Variants in ZNF737 observed in about 807,000 individuals in gnomAD.
ZNF737 encodes zinc finger protein 737.
In ZNF737, 13 loss-of-function variants were observed where a neutral mutation model predicts 11.7. The observed-to-expected ratio is 1.11, with a 90% CI of 0.73 to 1.77. The LOEUF (loss-of-function observed/expected upper bound fraction) is 1.77. Among genes scored for constraint, ZNF737 ranks in the 40% most tolerant of loss-of-function variants. ZNF737 has a pLI of 0.00. For synonymous variants in ZNF737, 217 were observed against 216.2 expected (o/e 1.00, Z -0.03); for missense variants, 636 against 638.0 (o/e 1.00, Z 0.03).
In ZNF737 at chr19:20,541,944, T is replaced by C. The variant is rs1441993733; in HGVS notation, c.*2648A>G. Reference sequence around the variant, plus strand: ...AAAGATGCCATATAAGGCATAAATATATACACATATTATATACCCACGAAT... The same window carrying C: ...AAAGATGCCATATAAGGCATAAATACATACACATATTATATACCCACGAAT... On this transcript the variant is annotated 3_prime_UTR_variant, in exon 4 of 4. Transcript: ENST00000427401. The C allele has an allele frequency of 1.6e-5, 14 of 862,814 alleles. No homozygotes were observed. The highest frequency in any genetic ancestry group is 1.2e-4 in the East Asian group (1 of 8,174). 53.4% of individuals were successfully genotyped at this position (862,814 alleles called of 1,614,324 possible).
intron 3 of ZNF737, among the ~76,000 whole-genome samples, chr19:20,546,551 A>T (rs1031764017): frequency 1.3e-5 from 2 of 152,232 alleles, no homozygotes; most frequent in Admixed American, 1.3e-4. Flanking sequence ...AATACACAGT[A>T]TTCCTATTTG....
At position 20,552,531 on chromosome 19, in the gene ZNF737, T is replaced by C. The variant is rs782075046; in HGVS notation, c.170A>G (p.Glu57Gly). The C allele has an allele frequency of 2.5e-6, 4 of 1,595,208 alleles. No homozygotes were observed. The highest frequency in any genetic ancestry group is 1.4e-5 in the African/African-American group (1 of 73,710). Residue 57 changes from glutamate (E) to glycine (G), a missense_variant, in exon 3 of 4, where the codon GAG (glutamate) becomes GGG (glycine). Transcript: ENST00000427401. The stretch of plus-strand genomic sequence containing the variant: ...CATGGTCAAAGGTTTTTTTCCTTGC[T>C]CCAGACAGGTGATGAGGTCTGGCTT... ...VSKPDLITCL[E>G]QGKKPLTMKK...
chr19:20,565,442 G>A (rs1173910004), intron 1 of ZNF737, among the ~76,000 whole-genome samples, 196 bp downstream of exon 1: 1 of 152,132 alleles, frequency 6.6e-6, no homozygotes, highest in East Asian at 1.9e-4. Flanking sequence ...GGAAGACACA[G>A]GACGCCAGGG....
At chr19:20,555,712 G>C (rs1968864686) in intron 1 of ZNF737, among the ~76,000 whole-genome samples, 1 of 152,196 alleles carries the variant, frequency 6.6e-6, no homozygotes, top group Non-Finnish European at 1.5e-5. Context: ...AAACTCCTTA[G>C]GGAGGAGAAA....
chr19:20,544,441 C>G lies in ZNF737; in HGVS notation c.*151G>C, dbSNP rs782621483. The G allele has an allele frequency of 2.0e-6, 3 of 1,468,700 alleles. No individual in the cohort carries two copies. Among genetic ancestry groups the G allele is most frequent in the Non-Finnish European group, 2.7e-6 (3 of 1,117,586 alleles). The allele number at this position is 1,468,700 out of a possible 1,614,324, so 91.0% of individuals were successfully genotyped here. On this transcript the variant is annotated 3_prime_UTR_variant, in exon 4 of 4. Coordinates refer to ENST00000427401, the MANE Select transcript of ZNF737 (RefSeq NM_001159293.2). ...TTTCTTATTTGTTGGGTTTCTTTCC[C>G]GCATGAATTATCTAATGTCTACTAA...
chr19:20,546,031 C>T (rs1455581446), intron 3 of ZNF737, 55 bp from the exon 4 acceptor site: 1 of 1,500,276 alleles, frequency 6.7e-7, no homozygotes, highest in Admixed American at 2.4e-5. Flanking sequence ...GATAAATATA[C>T]TTTACAGATC....
chr19:20,530,565 A>G, the ZNF737 span, among the ~76,000 whole-genome samples: 2 of 145,412 alleles, frequency 1.4e-5, no homozygotes. Flanking sequence ...GCGGCCGGGC[A>G]GAGACGCTCC....
rs1202040861 is a variant in ZNF737 at position 20,539,196 on chromosome 19, G to T, written c.*5396C>A. On this transcript the variant is annotated 3_prime_UTR_variant, in exon 4 of 4. Transcript: ENST00000427401. ...TCCCAGCTACTCAGGAGGCTGAGGC[G>T]GAAGAATCACTTGAACCAGGGAGGT... 4.4e-6 allele frequency: 3 copies of T among 682,148 alleles called. No homozygotes were observed. The South Asian group carries it at 2.0e-4, about 45-fold the overall frequency. The allele number at this position is 682,148 out of a possible 1,614,324, so 42.3% of individuals were successfully genotyped here.
intron 1 of ZNF737, among the ~76,000 whole-genome samples, chr19:20,562,340 A>ATTT (rs56851244): frequency 1.8e-3 from 222 of 123,750 alleles, no homozygotes; most frequent in African/African-American, 6.3e-3. Flanking sequence ...CACCTGGCTA[A>ATTT]TTTTTTTTTT....
rs752615643 is a variant in ZNF737, at chr19:20,565,647, G to C, written c.-7C>G. On this transcript the variant is annotated 5_prime_UTR_variant, in exon 1 of 4. Transcript: ENST00000427401. ...GGACCGGCACTCTCACCATTTCTAG[G>C]CTTCCAGGGGCTCCCGGGCGTCTTA... 39 of 1,614,032 alleles carry C rather than the reference G, an allele frequency of 2.4e-5. No homozygotes were observed. Among genetic ancestry groups the C allele is most frequent in the Non-Finnish European group, 3.2e-5 (38 of 1,180,040 alleles).
chr19:20,545,637 G>A lies in ZNF737; in HGVS notation c.566C>T (p.Thr189Ile). ...CCCAGTATGAATTTTCTTATGTGTA[G>A]TAAGGGTTGAAGACTGGTTAAAAGC... ...GKAFNQSSTL[T>I]THKKIHTGEK... Residue 189 changes from threonine to isoleucine, a missense_variant, in exon 4 of 4, where the codon ACT becomes ATT. Physicochemically the swap from Thr to Ile is moderately conservative, Grantham distance 89 (BLOSUM62 -1). Coordinates refer to ENST00000427401, the MANE Select transcript of ZNF737 (RefSeq NM_001159293.2). The A allele has an allele frequency of 1.2e-6, 2 of 1,614,012 alleles. No homozygotes were observed. Among genetic ancestry groups the A allele is most frequent in the Non-Finnish European group, 1.7e-6 (2 of 1,179,954 alleles).
intron 1 of ZNF737, among the ~76,000 whole-genome samples, chr19:20,556,785 A>T (rs1308210468): frequency 1.3e-5 from 2 of 152,228 alleles, no homozygotes; most frequent in African/African-American, 4.8e-5. Flanking sequence ...TGTTTTTAAA[A>T]AACAACATGT....
chr19:20,548,596 T>C (rs971686102), intron 3 of ZNF737, among the ~76,000 whole-genome samples: 3 of 152,098 alleles, frequency 2.0e-5, no homozygotes, highest in Middle Eastern at 3.2e-3. Flanking sequence ...AATGTGAATA[T>C]ACTTAACATG....
chr19:20,543,422 T>C lies in ZNF737; in HGVS notation c.*1170A>G. 1.0e-6 allele frequency: 1 copy of C among 986,300 alleles called. No individual in the cohort carries two copies. The highest frequency in any genetic ancestry group is 4.7e-5 in the South Asian group (1 of 21,320). 61.1% of individuals were successfully genotyped at this position (986,300 alleles called of 1,614,324 possible). A position where few individuals can be genotyped will look rare whatever the true frequency, so the allele number is the denominator to read the frequency against. The stretch of plus-strand genomic sequence containing the variant: ...TACTCTTCTTCACTTTAAAGGCTTA[T>C]ACTTGCTGAAAGTTTTGACAGTAAT... On this transcript the variant is annotated 3_prime_UTR_variant, in exon 4 of 4. Coordinates refer to ENST00000427401, the MANE Select transcript of ZNF737 (RefSeq NM_001159293.2).
Position 20,541,336 on chromosome 19 carries a change from A to G in ZNF737, c.*3256T>C, listed in dbSNP as rs1164710870. On this transcript the variant is annotated 3_prime_UTR_variant, in exon 4 of 4. Coordinates refer to ENST00000427401, the MANE Select transcript of ZNF737 (RefSeq NM_001159293.2). Reference sequence around the variant, plus strand: ...GAGTAATATGTGTATATTTAACTCTATGTAAATTAAAACTAAAAGTCTATG... The same window carrying G: ...GAGTAATATGTGTATATTTAACTCTGTGTAAATTAAAACTAAAAGTCTATG... The G allele has an allele frequency of 3.1e-6, 3 of 983,132 alleles. No homozygotes were observed. Among genetic ancestry groups the G allele is most frequent in the South Asian group, 4.7e-5 (1 of 21,224 alleles). 60.9% of individuals were successfully genotyped at this position (983,132 alleles called of 1,614,324 possible).
In ZNF737 at chr19:20,543,745, A is replaced by C. The variant is rs1555755664; in HGVS notation, c.*847T>G. On this transcript the variant is annotated 3_prime_UTR_variant, in exon 4 of 4. Coordinates refer to ENST00000427401, the MANE Select transcript of ZNF737 (RefSeq NM_001159293.2). ...AGTATAATTATTGTTATGTGTAGAG[A>C]AGTTGGAGGTGTTCGTAAAAGCAAT... 1 of 985,186 alleles carries C rather than the reference A, an allele frequency of 1.0e-6. No individual in the cohort carries two copies. The highest frequency in any genetic ancestry group is 1.7e-5 in the African/African-American group (1 of 57,206). 61.0% of individuals were successfully genotyped at this position (985,186 alleles called of 1,614,324 possible). A position where few individuals can be genotyped will look rare whatever the true frequency, so the allele number is the denominator to read the frequency against.
At chr19:20,557,498 A>AAAG (rs1424016696) in intron 1 of ZNF737, among the ~76,000 whole-genome samples, 2 of 151,998 alleles carry the variant, frequency 1.3e-5, no homozygotes, top group Non-Finnish European at 1.5e-5. Flanking sequence ...AAAAAAAAAA[A>AAAG]AAAGAAAACT....
rs974072561 is a variant in ZNF737, at chr19:20,540,517, G to C, written c.*4075C>G. 6.6e-6 allele frequency among the ~76,000 whole-genome samples: 1 copy of C among 152,102 alleles called. No homozygotes were observed. Among genetic ancestry groups the C allele is most frequent in the African/African-American group, 2.4e-5 (1 of 41,416 alleles). ...GGCTCATGATTCTAATACCAGCACC[G>C]TGGGAGGCTGAAGCAGGCAGATCAT... is the stretch of plus-strand genomic sequence containing the variant. On this transcript the variant is annotated 3_prime_UTR_variant, in exon 4 of 4. Coordinates refer to ENST00000427401, the MANE Select transcript of ZNF737 (RefSeq NM_001159293.2).
At chr19:20,563,673 A>G (rs142467885) in intron 1 of ZNF737, among the ~76,000 whole-genome samples, 2,940 of 151,644 alleles carry the variant, frequency 0.019, 98 homozygotes, top group African/African-American at 0.065. Context: ...TTTAGTAGAG[A>G]TGGGGTTTCA....
Sources: gnomAD v4.1 joint callset for allele counts (sites outside exome capture counted in the v4.1 genomes callset) on GRCh38, gnomAD v4.1.1 for gene constraint, MANE v1.5 for transcripts, NCBI Gene and HGNC (gene_info 2026-07-23, HGNC 2026-07-21) for gene names.